The following PPFIBP1 variants were observed in gnomAD, a reference collection of about 807,000 sequenced individuals.
PPFIBP1 encodes liprin-beta-1.
In PPFIBP1, 112 loss-of-function variants were observed where a neutral mutation model predicts 137.8. The ratio of observed to expected loss-of-function variants is 0.81; its 90% CI spans 0.70 to 0.95. The LOEUF is 0.95. PPFIBP1 is among the 40% of genes least tolerant of loss of function. The probability of loss-of-function intolerance (pLI) is 0.00; values close to 1 mark genes in which losing one functional copy is unlikely to be tolerated. For missense variants in PPFIBP1, 1,083 were observed against 1,196.6 expected, an observed-to-expected ratio of 0.91 and a Z score of 1.40; for synonymous variants, 378 against 417.3, an observed-to-expected ratio of 0.91 and a Z score of 1.15.
chr12:27,618,596 A>C (rs1159276364), intron 2 of PPFIBP1, among the ~76,000 whole-genome samples: 1 of 152,206 alleles, frequency 6.6e-6, no homozygotes, highest in Non-Finnish European at 1.5e-5. Context: ...ATCTGGAACT[A>C]ACCAACCTCC....
intron 2 of PPFIBP1, among the ~76,000 whole-genome samples, chr12:27,595,885 AAATATATATATATAT>A (rs1565837849): frequency 3.5e-4 from 41 of 116,270 alleles, no homozygotes; most frequent in African/African-American, 4.8e-4. Context: ...AACAACAACA[AAATATATATATATAT>A]ATATATATAT....
intron 2 of PPFIBP1, among the ~76,000 whole-genome samples, chr12:27,614,583 T>C (rs1465706004): frequency 6.6e-6 from 1 of 152,174 alleles, no homozygotes; most frequent in African/African-American, 2.4e-5. Context: ...GCCAGACTCC[T>C]AAGCTACTAA....
At chr12:27,578,008 G>T (rs923660165) in intron 1 of PPFIBP1, 144 bp from the exon 2 acceptor site, 23 of 152,060 alleles carry the variant, frequency 1.5e-4, no homozygotes, top group African/African-American at 5.3e-4. Flanking sequence ...TGAATGGAAG[G>T]AAGTCCTTAA....
At chr12:27,565,967 T>C (rs4931132) in intron 1 of PPFIBP1, among the ~76,000 whole-genome samples, 48,795 of 151,956 alleles carry the variant, frequency 0.32, 8,248 homozygotes, top group Middle Eastern at 0.46. Flanking sequence ...TTTTCCTGGT[T>C]TTTCCTAGTA....
intron 1 of PPFIBP1, among the ~76,000 whole-genome samples, chr12:27,543,871 C>T (rs1592350158): frequency 1.5e-5 from 2 of 136,596 alleles, no homozygotes; most frequent in South Asian, 4.6e-4. Flanking sequence ...GCCCCCCACC[C>T]CGCCCCTGCT....
At chr12:27,544,030 C>T (rs1565737276) in intron 1 of PPFIBP1, among the ~76,000 whole-genome samples, 1 of 151,886 alleles carries the variant, frequency 6.6e-6, no homozygotes, top group Non-Finnish European at 1.5e-5. Context: ...CAGATGCACA[C>T]CACCATGCCC....
At chr12:27,576,101 T>A (rs2050535882) in intron 1 of PPFIBP1, among the ~76,000 whole-genome samples, 1 of 152,214 alleles carries the variant, frequency 6.6e-6, no homozygotes, top group Non-Finnish European at 1.5e-5. Context: ...TGGAGCACAT[T>A]CAGGCAATAC....
At chr12:27,677,127 A>G in intron 19 of PPFIBP1, 31 bp downstream of exon 19, 2 of 1,613,282 alleles carry the variant, frequency 1.2e-6, no homozygotes, top group Non-Finnish European at 1.7e-6. Context: ...AGCCTTCACC[A>G]GCACTGTGCT....
chr12:27,528,761 A>G (rs576116532), intron 1 of PPFIBP1, among the ~76,000 whole-genome samples: 2 of 152,288 alleles, frequency 1.3e-5, no homozygotes, highest in East Asian at 3.9e-4. Context: ...AGGAGTTTTA[A>G]GTTTACGCAC....
At chr12:27,638,283 C>G (rs563793860) in intron 4 of PPFIBP1, among the ~76,000 whole-genome samples, 2 of 152,102 alleles carry the variant, frequency 1.3e-5, no homozygotes, top group Non-Finnish European at 2.9e-5. Flanking sequence ...AACACAGAAT[C>G]CTAGCAAATT....
At position 27,670,951 on chromosome 12, in the gene PPFIBP1, G is replaced by A. The variant is rs74897144; in HGVS notation, c.1147-480G>A. On this transcript the variant is annotated intron_variant, in intron 13 of 29. Coordinates refer to ENST00000228425, the MANE Select transcript of PPFIBP1 (RefSeq NM_003622.4). The stretch of plus-strand genomic sequence containing the variant: ...AGCGAAGTTATTTGCTAAGATCACC[G>A]ATCACTTAGGCAAGTGTGTCAGAAC... Among the ~76,000 whole-genome samples, 433 of 151,968 alleles carry A rather than the reference G, an allele frequency of 2.8e-3. 1 individual carries two copies. The highest frequency in any genetic ancestry group is 1.0e-2 in the African/African-American group (413 of 41,450).
intron 1 of PPFIBP1, among the ~76,000 whole-genome samples, chr12:27,525,932 G>A (rs1232381892): frequency 6.6e-6 from 1 of 152,180 alleles, no homozygotes; most frequent in Admixed American, 6.5e-5. Context: ...TTTGAGAAAG[G>A]AAAATTCGCT....
chr12:27,686,772 C>T (rs1327063208), intron 24 of PPFIBP1, among the ~76,000 whole-genome samples: 2 of 152,066 alleles, frequency 1.3e-5, no homozygotes, highest in East Asian at 1.9e-4. Context: ...AGCGGTGCCT[C>T]ACGCCTGTAA....
intron 2 of PPFIBP1, among the ~76,000 whole-genome samples, chr12:27,590,809 T>TA (rs910259675): frequency 1.1e-4 from 16 of 152,084 alleles, no homozygotes; most frequent in South Asian, 2.1e-4. Flanking sequence ...GTATAGATTT[T>TA]AAAAAATATC....
At chr12:27,670,166 C>T (rs898068864) in intron 13 of PPFIBP1, among the ~76,000 whole-genome samples, 4 of 151,882 alleles carry the variant, frequency 2.6e-5, no homozygotes, top group Non-Finnish European at 5.9e-5. Flanking sequence ...TATGATGTGG[C>T]CTGCAATCTA....
At chr12:27,549,746 G>A (rs1946579904) in intron 1 of PPFIBP1, among the ~76,000 whole-genome samples, 1 of 152,148 alleles carries the variant, frequency 6.6e-6, no homozygotes, top group Non-Finnish European at 1.5e-5. Flanking sequence ...CAGTTCCAGC[G>A]GGGCTTGGAA....
Position 27,601,574 on chromosome 12 carries a change from T to C in PPFIBP1, c.-36+23335T>C, listed in dbSNP as rs151110797. 1.9e-3 allele frequency among the ~76,000 whole-genome samples: 290 copies of C among 152,340 alleles called. 2 individuals carry two copies. Among genetic ancestry groups the C allele is most frequent in the African/African-American group, 5.8e-3 (243 of 41,584 alleles). On this transcript the variant is annotated intron_variant, in intron 2 of 29. Transcript: ENST00000228425. ...TAATTTTATGACAGTCTCTGAGTTA[T>C]GTGTTTTCATTCTAATATTAAGTTG...
intron 1 of PPFIBP1, among the ~76,000 whole-genome samples, chr12:27,558,596 A>ACAC (rs2048900195): frequency 3.3e-5 from 4 of 119,790 alleles, no homozygotes; most frequent in Non-Finnish European, 6.9e-5. Context: ...CCTCTCCACC[A>ACAC]ACACACACAC....
At chr12:27,631,192 A>T (rs16931629) in intron 2 of PPFIBP1, among the ~76,000 whole-genome samples, 4 of 83,968 alleles carry the variant, frequency 4.8e-5, no homozygotes, top group African/African-American at 1.8e-4. Flanking sequence ...TCATATTTTT[A>T]TTGGTTGAAA....
Sources: gnomAD v4.1 joint callset for allele counts (sites outside exome capture counted in the v4.1 genomes callset) on GRCh38, gnomAD v4.1.1 for gene constraint, MANE v1.5 for transcripts, NCBI Gene and HGNC (gene_info 2026-07-23, HGNC 2026-07-21) for gene names.